Variants in IGF1R observed in about 807,000 individuals in gnomAD.
The protein encoded by IGF1R is insulin-like growth factor 1 receptor.
IGF1R carries 44 observed loss-of-function variants against 144.6 expected under a neutral mutation model. That is an observed-to-expected ratio of 0.30 (90% confidence interval 0.24 to 0.39). IGF1R has a LOEUF of 0.39. Ranked by LOEUF, IGF1R falls within the 10% of genes least tolerant of loss-of-function variation. IGF1R has a pLI of 1.00. For missense variants in IGF1R, 1,355 were observed against 1,833.7 expected (o/e 0.74, Z 4.77); for synonymous variants, 795 against 722.8 (o/e 1.10, Z -1.60).
intron 2 of IGF1R, among the ~76,000 whole-genome samples, chr15:98,889,001 C>T (rs573070113): frequency 5.8e-4 from 89 of 152,304 alleles, no homozygotes; most frequent in African/African-American, 2.1e-3. Flanking sequence ...GCCATGCCCT[C>T]TTTGTTCTCA....
chr15:98,650,177 G>A (rs866881566), intron 1 of IGF1R, among the ~76,000 whole-genome samples: 20 of 152,202 alleles, frequency 1.3e-4, no homozygotes, highest in African/African-American at 4.6e-4. Flanking sequence ...CGGCCCGCGG[G>A]GTGCGAGTTG....
At chr15:98,890,986 C>G (rs935017004) in intron 2 of IGF1R, among the ~76,000 whole-genome samples, 1 of 152,210 alleles carries the variant, frequency 6.6e-6, no homozygotes, top group African/African-American at 2.4e-5. Flanking sequence ...CTGGCTGACC[C>G]ACGCCTGAGG....
chr15:98,830,991 GAA>G (rs1234157067), intron 2 of IGF1R, among the ~76,000 whole-genome samples: 2 of 152,114 alleles, frequency 1.3e-5, no homozygotes, highest in Non-Finnish European at 2.9e-5. Context: ...GGCAAGAAGA[GAA>G]AGAGAGACGC....
intron 2 of IGF1R, among the ~76,000 whole-genome samples, chr15:98,784,235 C>T (rs2055933199): frequency 6.6e-6 from 1 of 151,654 alleles, no homozygotes; most frequent in Admixed American, 6.6e-5. Flanking sequence ...GTGCCCGGCC[C>T]CTGAATCCTA....
chr15:98,915,522 A>C (rs2015205886), intron 8 of IGF1R, among the ~76,000 whole-genome samples: 1 of 152,328 alleles, frequency 6.6e-6, no homozygotes, highest in East Asian at 1.9e-4. Context: ...ATTTGGCTTC[A>C]TGACATTTTT....
At chr15:98,844,158 ATG>A (rs2011230693) in intron 2 of IGF1R, among the ~76,000 whole-genome samples, 1 of 152,212 alleles carries the variant, frequency 6.6e-6, no homozygotes, top group African/African-American at 2.4e-5. Flanking sequence ...ACATATGGCT[ATG>A]TGTTTTATAA....
chr15:98,778,668 G>T (rs187691237), intron 2 of IGF1R, among the ~76,000 whole-genome samples: 6 of 152,348 alleles, frequency 3.9e-5, no homozygotes, highest in Non-Finnish European at 1.5e-5. Flanking sequence ...TGGGTGAGGT[G>T]AGAAAGTAAG....
chr15:98,679,429 A>G (rs2053131319), intron 1 of IGF1R, among the ~76,000 whole-genome samples: 1 of 152,092 alleles, frequency 6.6e-6, no homozygotes, highest in Non-Finnish European at 1.5e-5. Context: ...CGTGCTCCAC[A>G]TGTTTTGGTC....
intron 7 of IGF1R, among the ~76,000 whole-genome samples, chr15:98,911,971 A>G (rs1001750946): frequency 6.6e-6 from 1 of 152,046 alleles, no homozygotes; most frequent in African/African-American, 2.4e-5. Flanking sequence ...AACAACCTTC[A>G]TGTCTTGAGC....
chr15:98,659,675 A>C (rs945504620), intron 1 of IGF1R, among the ~76,000 whole-genome samples: 1 of 152,088 alleles, frequency 6.6e-6, no homozygotes, highest in Admixed American at 6.6e-5. Flanking sequence ...AGCTGTTAAC[A>C]CCTAGTGTGT....
Position 98,959,439 on chromosome 15 carries a change from G to C in IGF1R, c.*1997G>C. 4.3e-6 allele frequency: 1 copy of C among 233,922 alleles called. No homozygotes were observed. Among genetic ancestry groups the C allele is most frequent in the Non-Finnish European group, 8.5e-6 (1 of 118,254 alleles). 14.5% of individuals were successfully genotyped at this position (233,922 alleles called of 1,614,324 possible). On this transcript the variant is annotated 3_prime_UTR_variant, in exon 21 of 21. Transcript: ENST00000650285. ...ATCCCAAGGGAACTCCTTCGCACTG[G>C]CGTTGAGTGGGACCCCGGGATCCAG...
rs143593034 is a variant in IGF1R at position 98,961,793 on chromosome 15, A to G, written c.*4351A>G. ...TTCGTGGGATGTCATGACGTTTGAC[A>G]TACCTTTGGAACGAGCCTCCTCCTT... On this transcript the variant is annotated 3_prime_UTR_variant, in exon 21 of 21. Transcript: ENST00000650285. 564 of 233,388 alleles carry G rather than the reference A, an allele frequency of 2.4e-3. No individual in the cohort carries two copies. Among genetic ancestry groups the G allele is most frequent in the Non-Finnish European group, 3.5e-3 (413 of 118,066 alleles). The allele number at this position is 233,388 out of a possible 1,614,324, so 14.5% of individuals were successfully genotyped here. A position where few individuals can be genotyped will look rare whatever the true frequency, so the allele number is the denominator to read the frequency against.
intron 2 of IGF1R, among the ~76,000 whole-genome samples, chr15:98,755,649 G>A (rs926786787): frequency 1.5e-5 from 2 of 136,796 alleles, no homozygotes; most frequent in Admixed American, 8.3e-5. Context: ...AACCCAGGAG[G>A]CGGAGGTTGC....
intron 1 of IGF1R, among the ~76,000 whole-genome samples, chr15:98,651,590 T>C (rs111275416): frequency 0.031 from 4,688 of 152,342 alleles, 246 homozygotes; most frequent in African/African-American, 0.1. Context: ...ACAGCAGGGA[T>C]GGCCTTCGCC....
intron 3 of IGF1R, among the ~76,000 whole-genome samples, chr15:98,892,533 A>G (rs2013978188): frequency 6.6e-6 from 1 of 151,868 alleles, no homozygotes; most frequent in South Asian, 2.1e-4. Flanking sequence ...TCTCCAAAAA[A>G]AAAAAAAAAA....
rs569451479 is a variant in IGF1R, at chr15:98,661,946, G to C, written c.94+12271G>C. On this transcript the variant is annotated intron_variant, in intron 1 of 20. Coordinates refer to ENST00000650285, the MANE Select transcript of IGF1R (RefSeq NM_000875.5). ...CAACACTGGGGAATTGCTGCCAGTTGAATAGGGCCCTTTTTTTTTTTTTTT... is the reference window on the plus strand; with the variant it reads ...CAACACTGGGGAATTGCTGCCAGTTCAATAGGGCCCTTTTTTTTTTTTTTT... Among the ~76,000 whole-genome samples the C allele has an allele frequency of 2.3e-5, 3 of 132,110 alleles. No individual in the cohort carries two copies. The South Asian group carries it at 8.2e-4, about 36-fold the overall frequency. The allele number at this position is 132,110 out of a possible 152,430, so 86.7% of individuals were successfully genotyped here.
In IGF1R at chr15:98,700,975, G is replaced by A. The variant is rs531999073; in HGVS notation, c.95-6587G>A. On this transcript the variant is annotated intron_variant, in intron 1 of 20. Transcript: ENST00000650285. ...GAGAGATGGTTGTTCTGCCTTCGTTGTGCAAAATTCAGTGATACACTAATC... is the reference window on the plus strand; with the variant it reads ...GAGAGATGGTTGTTCTGCCTTCGTTATGCAAAATTCAGTGATACACTAATC... 7.4e-4 allele frequency among the ~76,000 whole-genome samples: 112 copies of A among 151,960 alleles called. 1 individual carries two copies. The South Asian group carries it at 7.9e-3, about 11-fold the overall frequency.
intron 2 of IGF1R, among the ~76,000 whole-genome samples, chr15:98,800,995 CAT>C (rs10544735): frequency 0.38 from 58,197 of 152,000 alleles, 12,894 homozygotes; most frequent in East Asian, 0.51. Context: ...GAACACGAAG[CAT>C]GTGTGTGCAT....
chr15:98,782,869 C>A (rs370463301), intron 2 of IGF1R, among the ~76,000 whole-genome samples: 1 of 152,180 alleles, frequency 6.6e-6, no homozygotes, highest in Non-Finnish European at 1.5e-5. Flanking sequence ...TAAACTGTTA[C>A]AACTGAAATA....
Sources: allele counts gnomAD v4.1 joint callset (sites outside exome capture counted in the v4.1 genomes callset), GRCh38; gene constraint gnomAD v4.1.1; transcripts MANE v1.5; gene names NCBI Gene and HGNC (gene_info 2026-07-23, HGNC 2026-07-21).